Variants in FBXL7 observed in about 807,000 individuals in gnomAD.
FBXL7 encodes the protein F-box/LRR-repeat protein 7.
FBXL7 carries 12 observed loss-of-function variants against 38.3 expected under a neutral mutation model. The ratio of observed to expected loss-of-function variants is 0.31; its 90% confidence interval spans 0.20 to 0.51. The LOEUF (loss-of-function observed/expected upper bound fraction) is 0.51, where lower values mean the gene tolerates loss of function less well. Ranked by LOEUF, FBXL7 falls within the 20% of genes least tolerant of loss-of-function variation. The pLI is 0.98. For synonymous variants in FBXL7, 297 were observed against 300.9 expected, an observed-to-expected ratio of 0.99 and a Z score of 0.13; for missense variants, 567 against 676.4, an observed-to-expected ratio of 0.84 and a Z score of 1.79.
intron 2 of FBXL7, among the ~76,000 whole-genome samples, chr5:15,926,008 A>G (rs542913954): frequency 6.6e-6 from 1 of 152,278 alleles, no homozygotes; most frequent in East Asian, 1.9e-4. Flanking sequence ...ACTGTAGGCT[A>G]TTGTAAGCCT....
chr5:15,547,590 C>T (rs1255269006), intron 1 of FBXL7, among the ~76,000 whole-genome samples: 1 of 152,112 alleles, frequency 6.6e-6, no homozygotes, highest in East Asian at 1.9e-4. Flanking sequence ...AGAAAGGGGC[C>T]TGGGCTGAAT....
intron 2 of FBXL7, among the ~76,000 whole-genome samples, chr5:15,856,659 A>T (rs984338706): frequency 3.9e-5 from 6 of 152,172 alleles, no homozygotes; most frequent in Non-Finnish European, 5.9e-5. Flanking sequence ...ACATGTTTTT[A>T]AAATCTGTTT....
chr5:15,673,538 A>T (rs1290115604), intron 2 of FBXL7, among the ~76,000 whole-genome samples: 1 of 152,152 alleles, frequency 6.6e-6, no homozygotes, highest in Non-Finnish European at 1.5e-5. Flanking sequence ...AGCAGGCGTT[A>T]TTCTTCCAAA....
At chr5:15,697,047 G>A (rs1297215544) in intron 2 of FBXL7, among the ~76,000 whole-genome samples, 1 of 152,154 alleles carries the variant, frequency 6.6e-6, no homozygotes, top group Non-Finnish European at 1.5e-5. Context: ...GAGTGATTGA[G>A]TGCTTTTACA....
chr5:15,833,499 A>G (rs1038055599), intron 2 of FBXL7, among the ~76,000 whole-genome samples: 1 of 152,254 alleles, frequency 6.6e-6, no homozygotes, highest in Non-Finnish European at 1.5e-5. Context: ...GCAGTCCCAG[A>G]GTGCGTTATT....
intron 1 of FBXL7, among the ~76,000 whole-genome samples, chr5:15,517,952 C>T (rs1191000723): frequency 6.6e-6 from 1 of 152,080 alleles, no homozygotes; most frequent in Non-Finnish European, 1.5e-5. Flanking sequence ...TTGCTGCTGA[C>T]ACAGGTTCAG....
intron 2 of FBXL7, among the ~76,000 whole-genome samples, chr5:15,734,264 C>T (rs933620022): frequency 2.0e-5 from 3 of 152,240 alleles, no homozygotes; most frequent in Admixed American, 1.3e-4. Context: ...GCTGCCTCAC[C>T]GTGGCGCTGT....
chr5:15,934,502 A>AT (rs896518428), intron 3 of FBXL7, among the ~76,000 whole-genome samples: 10 of 151,926 alleles, frequency 6.6e-5, no homozygotes, highest in African/African-American at 2.2e-4. Context: ...GTGTGTATAT[A>AT]TATAACTTAT....
At chr5:15,597,865 T>C (rs1027533161) in intron 1 of FBXL7, among the ~76,000 whole-genome samples, 7 of 152,198 alleles carry the variant, frequency 4.6e-5, no homozygotes, top group Admixed American at 4.6e-4. Context: ...CTATTCTGGC[T>C]CAAAGGCAAA....
rs142878960 is a variant in FBXL7, at chr5:15,724,643, T to G, written c.127+108571T>G. 5.7e-3 allele frequency among the ~76,000 whole-genome samples: 874 copies of G among 152,322 alleles called. 4 individuals are homozygous for G. Among genetic ancestry groups the G allele is most frequent in the African/African-American group, 0.02 (830 of 41,578 alleles). On this transcript the variant is annotated intron_variant, in intron 2 of 3. Transcript: ENST00000504595. ...GAAATTTTTGCTGAGCATAATGCTG[T>G]TTTCAACTATCACATTTATGAATTT...
chr5:15,708,331 G>T (rs1001608379), intron 2 of FBXL7, among the ~76,000 whole-genome samples: 1 of 152,200 alleles, frequency 6.6e-6, no homozygotes, highest in Non-Finnish European at 1.5e-5. Context: ...TTCCCATTTC[G>T]AATCTCATTG....
intron 2 of FBXL7, among the ~76,000 whole-genome samples, chr5:15,625,229 CA>C (rs1439834407): frequency 6.6e-6 from 1 of 152,140 alleles, no homozygotes; most frequent in Non-Finnish European, 1.5e-5. Context: ...CAAGTTACCA[CA>C]ACTGTATTCT....
intron 1 of FBXL7, among the ~76,000 whole-genome samples, chr5:15,607,830 C>A (rs1740081830): frequency 6.6e-6 from 1 of 152,226 alleles, no homozygotes; most frequent in African/African-American, 2.4e-5. Flanking sequence ...TGTTCGTTTT[C>A]CCTTGCTTTG....
chr5:15,530,573 T>A (rs1441535867), intron 1 of FBXL7, among the ~76,000 whole-genome samples: 1 of 152,188 alleles, frequency 6.6e-6, no homozygotes, highest in Non-Finnish European at 1.5e-5. Flanking sequence ...TAATGTTTGG[T>A]GATTCACTAG....
chr5:15,835,683 C>A (rs766695307), intron 2 of FBXL7, among the ~76,000 whole-genome samples: 9 of 152,118 alleles, frequency 5.9e-5, no homozygotes, highest in Non-Finnish European at 1.2e-4. Flanking sequence ...AGGTCTGACT[C>A]TAAAGCTGGG....
At chr5:15,778,725 A>C (rs1736920142) in intron 2 of FBXL7, among the ~76,000 whole-genome samples, 1 of 152,082 alleles carries the variant, frequency 6.6e-6, no homozygotes, top group Non-Finnish European at 1.5e-5. Context: ...CCCTTCATAG[A>C]ACACAGGTAG....
At chr5:15,904,010 G>A (rs1354585090) in intron 2 of FBXL7, among the ~76,000 whole-genome samples, 1 of 152,172 alleles carries the variant, frequency 6.6e-6, no homozygotes, top group Non-Finnish European at 1.5e-5. Flanking sequence ...TTGACACCAT[G>A]AAATACAGCA....
At chr5:15,871,000 C>T (rs7720693) in intron 2 of FBXL7, among the ~76,000 whole-genome samples, 6,740 of 152,310 alleles carry the variant, frequency 0.044, 476 homozygotes, top group African/African-American at 0.15. Flanking sequence ...CCCTGACCCA[C>T]GTGCCTCCTG....
chr5:15,698,802 T>C (rs1026943741), intron 2 of FBXL7, among the ~76,000 whole-genome samples: 2 of 152,310 alleles, frequency 1.3e-5, no homozygotes, highest in African/African-American at 4.8e-5. Flanking sequence ...ATAGCTTAAA[T>C]GACGCTTAGT....
Sources: allele counts gnomAD v4.1 joint callset (sites outside exome capture counted in the v4.1 genomes callset), GRCh38; gene constraint gnomAD v4.1.1; transcripts MANE v1.5; gene names NCBI Gene and HGNC (gene_info 2026-07-23, HGNC 2026-07-21).